PRKCE: variants seen among roughly 807,000 people sequenced by gnomAD.
PRKCE encodes the protein protein kinase C epsilon, also known as protein kinase C epsilon type.
Under a neutral mutation model 85.4 loss-of-function variants are expected in PRKCE, and 16 were observed. The observed-to-expected ratio is 0.19, with a 90% CI of 0.13 to 0.28. PRKCE has a LOEUF of 0.28. Ranked by LOEUF, PRKCE falls within the 10% of genes least tolerant of loss-of-function variation. PRKCE has a pLI of 1.00. For missense variants in PRKCE, 573 were observed against 975.2 expected (o/e 0.59, Z 5.49); for synonymous variants, 388 against 371.5 (o/e 1.04, Z -0.51).
chr2:45,839,461 G>A (rs907371203), intron 1 of PRKCE, among the ~76,000 whole-genome samples: 1 of 152,206 alleles, frequency 6.6e-6, no homozygotes, highest in Non-Finnish European at 1.5e-5. Context: ...TGAGGTCCAA[G>A]GAGGTTTGAT....
intron 10 of PRKCE, among the ~76,000 whole-genome samples, chr2:46,035,524 C>T (rs1258312708): frequency 2.6e-5 from 4 of 152,340 alleles, no homozygotes; most frequent in East Asian, 3.9e-4. Flanking sequence ...AGGGGGTGCC[C>T]TCCCAGACTT....
intron 11 of PRKCE, among the ~76,000 whole-genome samples, chr2:46,142,993 A>C (rs890680182): frequency 6.6e-6 from 1 of 152,206 alleles, no homozygotes; most frequent in Non-Finnish European, 1.5e-5. Flanking sequence ...GGAGGAAGTC[A>C]ACCAATGTGA....
chr2:46,100,466 G>GC (rs1671096959), intron 11 of PRKCE, among the ~76,000 whole-genome samples: 1 of 152,184 alleles, frequency 6.6e-6, no homozygotes, highest in African/African-American at 2.4e-5. Flanking sequence ...AACCATGTAA[G>GC]CAAGAACTGC....
intron 1 of PRKCE, among the ~76,000 whole-genome samples, chr2:45,777,798 G>T (rs2104971119): frequency 6.6e-6 from 1 of 152,222 alleles, no homozygotes; most frequent in Non-Finnish European, 1.5e-5. Context: ...CAGAAACTTG[G>T]TTTGCAGTAT....
At chr2:45,915,792 C>G (rs1697726779) in intron 2 of PRKCE, among the ~76,000 whole-genome samples, 1 of 152,174 alleles carries the variant, frequency 6.6e-6, no homozygotes. Flanking sequence ...CACTCAGTAA[C>G]TGGCTGGACC....
intron 10 of PRKCE, among the ~76,000 whole-genome samples, chr2:46,076,128 T>C (rs1668541079): frequency 6.6e-6 from 1 of 152,244 alleles, no homozygotes; most frequent in Non-Finnish European, 1.5e-5. Flanking sequence ...TTGGCTGGGT[T>C]CCCCTTCTAA....
chr2:45,747,295 A>G lies in PRKCE; in HGVS notation c.348+94847A>G, dbSNP rs556489640. Among the ~76,000 whole-genome samples the G allele has an allele frequency of 3.3e-5, 5 of 152,286 alleles. No homozygotes were observed. The South Asian group carries it at 1.0e-3, about 32-fold the overall frequency. On this transcript the variant is annotated intron_variant, in intron 1 of 14. Coordinates refer to ENST00000306156, the MANE Select transcript of PRKCE (RefSeq NM_005400.3). ...TTTAAGTGAGTTTGCATTTTTGTAC[A>G]TGCACTCTCCAGAACTCTTTTACCT...
intron 1 of PRKCE, among the ~76,000 whole-genome samples, chr2:45,736,607 C>A (rs1470217845): frequency 6.6e-6 from 1 of 152,220 alleles, no homozygotes; most frequent in East Asian, 1.9e-4. Flanking sequence ...TCTCCATCAA[C>A]TTTAAAACTC....
In PRKCE at chr2:46,168,243, C is replaced by T. The variant is rs1265050276; in HGVS notation, c.2067+8491C>T. On this transcript the variant is annotated intron_variant, in intron 14 of 14. Coordinates refer to ENST00000306156, the MANE Select transcript of PRKCE (RefSeq NM_005400.3). ...TGGCTGTTACTTTGGTATATGCCTT[C>T]CTGGGTTCATCAGACTAGTGTTTCT... is the stretch of plus-strand genomic sequence containing the variant. 2.0e-5 allele frequency among the ~76,000 whole-genome samples: 3 copies of T among 152,244 alleles called. 1 individual carries two copies. The South Asian group carries it at 6.2e-4, about 32-fold the overall frequency.
chr2:46,016,864 G>A (rs1201421077), intron 10 of PRKCE, among the ~76,000 whole-genome samples: 4 of 148,374 alleles, frequency 2.7e-5, no homozygotes, highest in Non-Finnish European at 3.0e-5. Flanking sequence ...AGCCGAGATC[G>A]TCCCACTGCA....
chr2:46,087,145 A>G (rs1669725124), intron 11 of PRKCE, among the ~76,000 whole-genome samples: 1 of 121,570 alleles, frequency 8.2e-6, no homozygotes, highest in East Asian at 3.3e-4. Flanking sequence ...ATTTTATTTT[A>G]TTCTATTCTA....
At position 46,145,708 on chromosome 2, in the gene PRKCE, A is replaced by G. The variant is rs149711899; in HGVS notation, c.1731+477A>G. On this transcript the variant is annotated intron_variant, in intron 12 of 14. Coordinates refer to ENST00000306156, the MANE Select transcript of PRKCE (RefSeq NM_005400.3). This position sits in a 1 kb window ranked among gnomAD's most constrained non-coding sequence, Gnocchi z 4.6. ...CATGGTGAAACCCTGTCTATATAAA[A>G]AATACAAAAATTAGCCAGGCATAGT... Among the ~76,000 whole-genome samples, 654 of 152,200 alleles carry G rather than the reference A, an allele frequency of 4.3e-3. 5 individuals are homozygous for G. Among genetic ancestry groups the G allele is most frequent in the African/African-American group, 0.015 (616 of 41,518 alleles).
chr2:45,746,377 T>C (rs889434647), intron 1 of PRKCE, among the ~76,000 whole-genome samples: 1 of 152,242 alleles, frequency 6.6e-6, no homozygotes, highest in African/African-American at 2.4e-5. Flanking sequence ...CTGCAGCCTT[T>C]CTGGTCCTCA....
At chr2:46,042,746 T>G (rs1558386338) in intron 10 of PRKCE, among the ~76,000 whole-genome samples, 1 of 152,208 alleles carries the variant, frequency 6.6e-6, no homozygotes, top group East Asian at 1.9e-4. Flanking sequence ...GTGCACACTC[T>G]CAAAAGCTCA....
At chr2:45,898,547 A>C (rs1696325638) in intron 2 of PRKCE, among the ~76,000 whole-genome samples, 2 of 152,202 alleles carry the variant, frequency 1.3e-5, no homozygotes, top group South Asian at 4.1e-4. Flanking sequence ...ACTCTGAGTA[A>C]GTCAGATGTC....
chr2:46,037,363 C>A (rs1272856260), intron 10 of PRKCE, among the ~76,000 whole-genome samples: 1 of 152,220 alleles, frequency 6.6e-6, no homozygotes, highest in Non-Finnish European at 1.5e-5. Context: ...GCCTCGCTCA[C>A]CTCTTCCCTT....
chr2:46,061,863 T>C (rs955025936), intron 10 of PRKCE, among the ~76,000 whole-genome samples: 5 of 137,232 alleles, frequency 3.6e-5, no homozygotes, highest in East Asian at 2.0e-4. Context: ...CTTTTTCTTT[T>C]TTTTTTTTTT....
At chr2:46,056,570 G>A (rs534575341) in intron 10 of PRKCE, among the ~76,000 whole-genome samples, 10 of 152,274 alleles carry the variant, frequency 6.6e-5, no homozygotes, top group African/African-American at 1.7e-4. Flanking sequence ...AGCAATTAGC[G>A]AATTAAGATG....
In PRKCE at chr2:46,052,828, GAGAGTTCA is replaced by G. The variant is rs559645479; in HGVS notation, c.1438-33379_1438-33372del. ...ACATATAGGTCAACAGAACAGAGTTGAGAGTTCAGAAATGAACACTTAACCTTTATCAT... is the reference window on the plus strand; with the variant it reads ...ACATATAGGTCAACAGAACAGAGTTGGAAATGAACACTTAACCTTTATCAT... On this transcript the variant is annotated intron_variant, in intron 10 of 14. Coordinates refer to ENST00000306156, the MANE Select transcript of PRKCE (RefSeq NM_005400.3). Among the ~76,000 whole-genome samples, 515 of 152,340 alleles carry G rather than the reference GAGAGTTCA, an allele frequency of 3.4e-3. 5 individuals carry two copies. The highest frequency in any genetic ancestry group is 5.7e-3 in the Non-Finnish European group (387 of 68,028).
Sources: gnomAD v4.1 joint callset for allele counts (sites outside exome capture counted in the v4.1 genomes callset) on GRCh38, gnomAD v4.1.1 for gene constraint, Gnocchi (gnomAD v3.1) non-coding constraint, MANE v1.5 for transcripts, NCBI Gene and HGNC (gene_info 2026-07-23, HGNC 2026-07-21) for gene names.